Variants in NCAM2 observed in about 807,000 individuals in gnomAD.
NCAM2 encodes the protein neural cell adhesion molecule 2.
A neutral mutation model predicts 98.1 loss-of-function variants in NCAM2; 30 were observed. That is an observed-to-expected ratio of 0.31 (90% confidence interval 0.23 to 0.41). The LOEUF is 0.41. Ranked by LOEUF, NCAM2 falls within the 10% of genes least tolerant of loss-of-function variation. The pLI is 1.00. For missense variants in NCAM2, 867 were observed against 1,005.8 expected, an observed-to-expected ratio of 0.86 and a Z score of 1.87; for synonymous variants, 368 against 342.4, an observed-to-expected ratio of 1.07 and a Z score of -0.83.
At chr21:21,128,840 T>C (rs533495414) in intron 1 of NCAM2, among the ~76,000 whole-genome samples, 3 of 152,222 alleles carry the variant, frequency 2.0e-5, no homozygotes, top group African/African-American at 4.8e-5. Flanking sequence ...ATTATTACTA[T>C]ACAAAATCAA....
At chr21:21,092,106 C>G (rs1037706407) in intron 1 of NCAM2, among the ~76,000 whole-genome samples, 11 of 151,992 alleles carry the variant, frequency 7.2e-5, no homozygotes, top group Non-Finnish European at 1.6e-4. Flanking sequence ...GTACAAAGTT[C>G]TCCGTGATAC....
chr21:21,473,378 A>T (rs1411258889), intron 14 of NCAM2, among the ~76,000 whole-genome samples: 1 of 143,688 alleles, frequency 7.0e-6, no homozygotes, highest in East Asian at 1.9e-4. Flanking sequence ...GTATAAATAT[A>T]TATATATATA....
Position 21,477,333 on chromosome 21 carries a change from A to C in NCAM2, c.1939A>C (p.Asn647His). 1 of 1,608,420 alleles carries C rather than the reference A, an allele frequency of 6.2e-7. No individual in the cohort carries two copies. The highest frequency in any genetic ancestry group is 8.5e-7 in the Non-Finnish European group (1 of 1,176,486). Residue 647 changes from asparagine to histidine, a missense_variant, in exon 15 of 18, where the codon AAT becomes CAT. Asn to His is a moderately conservative substitution (Grantham distance 68). Coordinates refer to ENST00000400546, the MANE Select transcript of NCAM2 (RefSeq NM_004540.5). Reference protein sequence around the residue: ...DQWLEKKVQGNKDHIILEHLQ... With the variant: ...DQWLEKKVQGHKDHIILEHLQ... ...ATGGCTAGAGAAAAAAGTGCAAGGA[A>C]ATAAAGACCACATCATTTTGGAGCA...
At chr21:21,072,583 G>C (rs2065595312) in intron 1 of NCAM2, among the ~76,000 whole-genome samples, 2 of 152,000 alleles carry the variant, frequency 1.3e-5, no homozygotes, top group Non-Finnish European at 1.5e-5. Context: ...TGCTGGTAGG[G>C]ATATTACCAT....
At chr21:21,079,244 A>G (rs1376948975) in intron 1 of NCAM2, among the ~76,000 whole-genome samples, 4 of 152,202 alleles carry the variant, frequency 2.6e-5, no homozygotes, top group African/African-American at 9.6e-5. Context: ...TCAGTTGCAT[A>G]TGAACTTCTT....
At chr21:21,216,105 T>C (rs150531557) in intron 1 of NCAM2, among the ~76,000 whole-genome samples, 32 of 152,288 alleles carry the variant, frequency 2.1e-4, no homozygotes, top group African/African-American at 7.2e-4. Context: ...ATTTTTGACA[T>C]GTAATTTGGG....
At chr21:21,150,411 C>T (rs904452746) in intron 1 of NCAM2, among the ~76,000 whole-genome samples, 2 of 151,986 alleles carry the variant, frequency 1.3e-5, no homozygotes, top group Admixed American at 6.6e-5. Context: ...ATATCCTTGT[C>T]TTGTTCCTGA....
Position 21,021,686 on chromosome 21 carries a change from T to C in NCAM2, c.55+23068T>C, listed in dbSNP as rs557407520. On this transcript the variant is annotated intron_variant, in intron 1 of 17. Transcript: ENST00000400546. Reference sequence around the variant, plus strand: ...TATTCATTTATCCCAATTTATCTTATAAACCCAAGCTCAAGCCATACTTAA... The same window carrying C: ...TATTCATTTATCCCAATTTATCTTACAAACCCAAGCTCAAGCCATACTTAA... Among the ~76,000 whole-genome samples the C allele has an allele frequency of 6.4e-4, 97 of 152,324 alleles. 1 individual carries two copies. The highest frequency in any genetic ancestry group is 5.2e-4 in the Admixed American group (8 of 15,302).
intron 1 of NCAM2, among the ~76,000 whole-genome samples, chr21:21,254,780 C>A (rs536718956): frequency 1.3e-5 from 2 of 152,054 alleles, no homozygotes; most frequent in East Asian, 3.9e-4. Flanking sequence ...AAGATCACCT[C>A]GGCGATAGGG....
At chr21:21,065,060 A>C (rs973649230) in intron 1 of NCAM2, among the ~76,000 whole-genome samples, 2 of 152,008 alleles carry the variant, frequency 1.3e-5, no homozygotes, top group Non-Finnish European at 2.9e-5. Context: ...CAAGCCTATA[A>C]TACCAGCTAT....
intron 1 of NCAM2, among the ~76,000 whole-genome samples, chr21:21,039,459 A>G (rs2064860868): frequency 1.3e-5 from 2 of 152,212 alleles, no homozygotes; most frequent in Non-Finnish European, 2.9e-5. Flanking sequence ...AATGTTCCCA[A>G]CACATAAAAA....
chr21:21,245,082 T>C (rs1012521000), intron 1 of NCAM2, among the ~76,000 whole-genome samples: 9 of 152,096 alleles, frequency 5.9e-5, no homozygotes, highest in African/African-American at 2.2e-4. Context: ...CTGGGATCAC[T>C]CCTTACACAT....
rs577678989 is a variant in NCAM2 at position 21,493,299 on chromosome 21, T to C, written c.2078-15552T>C. Among the ~76,000 whole-genome samples the C allele has an allele frequency of 1.4e-4, 21 of 152,046 alleles. No individual in the cohort carries two copies. In the South Asian group the frequency reaches 1.5e-3, roughly 11 times the overall value. On this transcript the variant is annotated intron_variant, in intron 15 of 17. Transcript: ENST00000400546. ...AAAGGACAGAAAAGTAAAAGTTGTT[T>C]TTATAGGAGATAATCAATCTAGGCA...
intron 5 of NCAM2, among the ~76,000 whole-genome samples, chr21:21,305,371 C>T (rs1177467647): frequency 6.6e-6 from 1 of 151,930 alleles, no homozygotes; most frequent in African/African-American, 2.4e-5. Context: ...AATAAAGACA[C>T]TTTTACTTAT....
At chr21:21,313,975 A>G (rs1014774950) in intron 5 of NCAM2, among the ~76,000 whole-genome samples, 9 of 152,198 alleles carry the variant, frequency 5.9e-5, no homozygotes, top group Middle Eastern at 3.4e-3. Context: ...TTCTCTTTAT[A>G]TCATACTTTT....
chr21:21,226,765 G>T (rs1486975028), intron 1 of NCAM2: 1 of 152,056 alleles, frequency 6.6e-6, no homozygotes, highest in Non-Finnish European at 1.5e-5. Context: ...TTGGAATTCT[G>T]TGCAAGTATA....
rs150193794 is a variant in NCAM2 at position 21,033,030 on chromosome 21, C to T, written c.55+34412C>T. Among the ~76,000 whole-genome samples the T allele has an allele frequency of 3.5e-3, 525 of 151,942 alleles. 1 individual carries two copies. The highest frequency in any genetic ancestry group is 0.012 in the African/African-American group (500 of 41,406). On this transcript the variant is annotated intron_variant, in intron 1 of 17. Transcript: ENST00000400546. ...TATGATCTCGGCTAACTGCAACCTC[C>T]GCCTCCTGGGTTCAAAGGTTTCTCC...
chr21:21,410,482 C>G (rs759718285), intron 10 of NCAM2, 21 bp downstream of exon 10: 47 of 1,324,748 alleles, frequency 3.5e-5, no homozygotes, highest in Non-Finnish European at 3.3e-5. Context: ...ATGTATACAT[C>G]AATAAATTGT....
At chr21:21,071,881 A>ATCTG (rs1349510603) in intron 1 of NCAM2, among the ~76,000 whole-genome samples, 3 of 134,784 alleles carry the variant, frequency 2.2e-5, no homozygotes, top group African/African-American at 8.8e-5. Flanking sequence ...CTATCTATCT[A>ATCTG]TCTATCTATC....
Sources: allele counts gnomAD v4.1 joint callset (sites outside exome capture counted in the v4.1 genomes callset), GRCh38; gene constraint gnomAD v4.1.1; transcripts MANE v1.5; gene names NCBI Gene and HGNC (gene_info 2026-07-23, HGNC 2026-07-21).